SENP8: variants seen among roughly 807,000 people sequenced by gnomAD.
The protein encoded by SENP8 is SUMO peptidase family member, NEDD8 specific, also known as sentrin-specific protease 8.
SENP8 carries 10 observed loss-of-function variants against 14.4 expected under a neutral mutation model. The ratio of observed to expected loss-of-function variants is 0.69; its 90% CI spans 0.43 to 1.18. The LOEUF (loss-of-function observed/expected upper bound fraction) is 1.18, where lower values mean the gene tolerates loss of function less well. Among genes scored for constraint, SENP8 ranks in the 50% most tolerant of loss-of-function variants. The pLI is 0.00. For missense variants in SENP8, 202 were observed against 249.4 expected, an observed-to-expected ratio of 0.81 and a Z score of 1.28; for synonymous variants, 94 against 95.5, an observed-to-expected ratio of 0.98 and a Z score of 0.09.
At chr15:72,124,047 G>C (rs1472274599) in intron 1 of SENP8, among the ~76,000 whole-genome samples, 1 of 152,176 alleles carries the variant, frequency 6.6e-6, no homozygotes, top group Non-Finnish European at 1.5e-5. Context: ...GAGTTACCAA[G>C]CATCATCATC....
chr15:72,132,094 C>T (rs192878545), intron 1 of SENP8, among the ~76,000 whole-genome samples: 2 of 152,214 alleles, frequency 1.3e-5, no homozygotes, highest in Admixed American at 6.5e-5. Context: ...AACTTGCCCA[C>T]GATCACTTAA....
chr15:72,137,269 T>C (rs1187975366), intron 1 of SENP8, among the ~76,000 whole-genome samples: 1 of 141,866 alleles, frequency 7.0e-6, no homozygotes, highest in African/African-American at 2.6e-5. Context: ...ATTAAATGAT[T>C]TTATATGCCA....
upstream of SENP8, among the ~76,000 whole-genome samples, chr15:72,117,468 C>T (rs548845750): frequency 6.6e-6 from 1 of 152,200 alleles, no homozygotes; most frequent in East Asian, 1.9e-4. Flanking sequence ...GGCTGGAGGG[C>T]CGGAATGGTG....
At chr15:72,126,685 A>G (rs1163362380) in intron 1 of SENP8, among the ~76,000 whole-genome samples, 1 of 152,184 alleles carries the variant, frequency 6.6e-6, no homozygotes, top group Non-Finnish European at 1.5e-5. Context: ...ATGGGAACAT[A>G]ATGTTCAGTG....
chr15:72,136,811 C>T (rs553296238), intron 1 of SENP8, among the ~76,000 whole-genome samples: 36 of 152,306 alleles, frequency 2.4e-4, no homozygotes, highest in Non-Finnish European at 4.7e-4. Flanking sequence ...CACTCTCAAT[C>T]TGCATGTGAC....
At position 72,140,455 on chromosome 15, in the gene SENP8, T is replaced by C; in HGVS notation, c.*193T>C. 3 of 576,448 alleles carry C rather than the reference T, an allele frequency of 5.2e-6. No individual in the cohort carries two copies. Among genetic ancestry groups the C allele is most frequent in the East Asian group, 2.9e-5 (1 of 34,542 alleles). 35.7% of individuals were successfully genotyped at this position (576,448 alleles called of 1,614,324 possible). On this transcript the variant is annotated 3_prime_UTR_variant, in exon 2 of 2. Coordinates refer to ENST00000340912, the MANE Select transcript of SENP8 (RefSeq NM_145204.4). ...CTTTAACCCTGACTGGGGAGCAATA[T>C]GTTCTGTGAAAATATCTTGAAATTG...
upstream of SENP8, among the ~76,000 whole-genome samples, chr15:72,115,540 C>T (rs1235431561): frequency 6.6e-6 from 1 of 152,172 alleles, no homozygotes; most frequent in Non-Finnish European, 1.5e-5. Flanking sequence ...AACTCAACTC[C>T]GAATATCCAA....
At chr15:72,117,982 C>T (rs527478166), upstream of SENP8, 26 of 399,724 alleles carry the variant, frequency 6.5e-5, no homozygotes, top group Admixed American at 1.8e-4. Context: ...GCCGGTGCAA[C>T]TACTGCCTCC....
intron 1 of SENP8, 185 bp from the exon 2 acceptor site, chr15:72,139,392 G>A: frequency 4.0e-6 from 2 of 504,644 alleles, no homozygotes; most frequent in East Asian, 6.3e-5. Context: ...GGAGCAATTG[G>A]TCTTGCTGTC....
At position 72,136,874 on chromosome 15, in the gene SENP8, A is replaced by G. The variant is rs374847868; in HGVS notation, c.-47-2703A>G. ...TATTGTCGTGCTGCCAGGTCACTGCATAACAGCTAACTCTCTGTTAACTCT... is the reference window on the plus strand; with the variant it reads ...TATTGTCGTGCTGCCAGGTCACTGCGTAACAGCTAACTCTCTGTTAACTCT... On this transcript the variant is annotated intron_variant, in intron 1 of 1. Coordinates refer to ENST00000340912, the MANE Select transcript of SENP8 (RefSeq NM_145204.4). 1.2e-4 allele frequency among the ~76,000 whole-genome samples: 18 copies of G among 152,318 alleles called. No homozygotes were observed. In the East Asian group the frequency reaches 1.7e-3, roughly 15 times the overall value.
At chr15:72,135,877 G>GCA (rs2081323370) in intron 1 of SENP8, among the ~76,000 whole-genome samples, 1 of 152,176 alleles carries the variant, frequency 6.6e-6, no homozygotes, top group Non-Finnish European at 1.5e-5. Context: ...GTTGAAGACT[G>GCA]GGTGTGATTT....
At chr15:72,124,438 A>G (rs1337084738) in intron 1 of SENP8, among the ~76,000 whole-genome samples, 1 of 152,232 alleles carries the variant, frequency 6.6e-6, no homozygotes, top group African/African-American at 2.4e-5. Flanking sequence ...GAAACCCCAA[A>G]AAAAAGCCAT....
intron 1 of SENP8, among the ~76,000 whole-genome samples, chr15:72,138,349 C>CTTT (rs370827895): frequency 2.9e-5 from 4 of 135,624 alleles, no homozygotes; most frequent in East Asian, 2.2e-4. Flanking sequence ...CTAGGTATAA[C>CTTT]TTTTTTTTTT....
chr15:72,128,266 C>T (rs2081239627), intron 1 of SENP8, among the ~76,000 whole-genome samples: 1 of 152,168 alleles, frequency 6.6e-6, no homozygotes, highest in Admixed American at 6.5e-5. Flanking sequence ...ACACATAAGA[C>T]ACCAATAAAT....
intron 1 of SENP8, chr15:72,135,467 T>TA (rs2081318789): frequency 1.3e-5 from 2 of 152,080 alleles, no homozygotes; most frequent in African/African-American, 2.4e-5. Context: ...TAGAAAATAT[T>TA]TTCACTTTAC....
At chr15:72,129,441 C>T (rs2081250409) in intron 1 of SENP8, among the ~76,000 whole-genome samples, 1 of 151,688 alleles carries the variant, frequency 6.6e-6, no homozygotes, top group Admixed American at 6.6e-5. Flanking sequence ...CGGCTCACTG[C>T]AGCCTCCGCC....
At chr15:72,138,690 C>G (rs368173848) in intron 1 of SENP8, among the ~76,000 whole-genome samples, 15 of 151,112 alleles carry the variant, frequency 9.9e-5, no homozygotes, top group African/African-American at 3.6e-4. Context: ...ACGCCAGGTG[C>G]GGTGGCTCAC....
chr15:72,139,456 C>G, intron 1 of SENP8, 121 bp from the exon 2 acceptor site: 2 of 985,622 alleles, frequency 2.0e-6, no homozygotes, highest in Non-Finnish European at 3.0e-6. Flanking sequence ...CTGCACAGAT[C>G]AAACCCACCT....
rs1323864887 is a variant in SENP8 at position 72,140,638 on chromosome 15, A to G, written c.*376A>G. ...CAGTGATCTGTAAAACAAATCAAGA[A>G]TATATTAAATCTAGAGGAATGCAGA... is the stretch of plus-strand genomic sequence containing the variant. On this transcript the variant is annotated 3_prime_UTR_variant, in exon 2 of 2. Coordinates refer to ENST00000340912, the MANE Select transcript of SENP8 (RefSeq NM_145204.4). The G allele has an allele frequency of 5.2e-6, 1 of 191,574 alleles. No individual in the cohort carries two copies. Among genetic ancestry groups the G allele is most frequent in the Non-Finnish European group, 1.2e-5 (1 of 83,022 alleles). 11.9% of individuals were successfully genotyped at this position (191,574 alleles called of 1,614,324 possible).
Sources: allele counts gnomAD v4.1 joint callset (sites outside exome capture counted in the v4.1 genomes callset), GRCh38; gene constraint gnomAD v4.1.1; transcripts MANE v1.5; gene names NCBI Gene and HGNC (gene_info 2026-07-23, HGNC 2026-07-21).